The following LETM2 variants were observed in gnomAD, a reference collection of about 807,000 sequenced individuals.
The protein encoded by LETM2 is leucine zipper and EF-hand containing transmembrane protein 2.
LETM2 carries 58 observed loss-of-function variants against 59.6 expected under a neutral mutation model. The observed-to-expected ratio is 0.97, with a 90% CI of 0.79 to 1.21. The LOEUF (loss-of-function observed/expected upper bound fraction) is 1.21, where lower values mean the gene tolerates loss of function less well. Ranked by LOEUF, LETM2 falls within the 50% of genes most tolerant of loss-of-function variation. LETM2 has a pLI of 0.00. For synonymous variants in LETM2, 199 were observed against 214.1 expected, an observed-to-expected ratio of 0.93 and a Z score of 0.62; for missense variants, 572 against 575.7, an observed-to-expected ratio of 0.99 and a Z score of 0.07.
chr8:38,401,005 C>A lies in LETM2; in HGVS notation c.936C>A (p.Leu312=). The A allele has an allele frequency of 6.2e-7, 1 of 1,614,076 alleles. No individual in the cohort carries two copies. Among genetic ancestry groups the A allele is most frequent in the Non-Finnish European group, 8.5e-7 (1 of 1,180,000 alleles). Reference sequence around the variant, plus strand: ...AGACATTTGGAACCAACAACCTGCTCCGCTTTCAGCTCCTGATGAAACTGA... The same window carrying A: ...AGACATTTGGAACCAACAACCTGCTACGCTTTCAGCTCCTGATGAAACTGA... The part of the protein sequence containing the change: ...ELQTFGTNNL[L]RFQLLMKLKS... The change falls in exon 6 of 11, where the codon CTC becomes CTA. Residue 312 remains leucine (L), a synonymous_variant. Transcript: ENST00000379957.
At chr8:38,388,052 C>A in intron 2 of LETM2, 22 bp downstream of exon 2, 2 of 1,459,316 alleles carry the variant, frequency 1.4e-6, no homozygotes, top group Non-Finnish European at 1.8e-6. Flanking sequence ...AGTTACCCCC[C>A]AATATGAACG....
chr8:38,392,286 A>G (rs1358382557), intron 2 of LETM2, among the ~76,000 whole-genome samples: 1 of 152,072 alleles, frequency 6.6e-6, no homozygotes, highest in African/African-American at 2.4e-5. Flanking sequence ...TTAGCTGGGC[A>G]TGGTGGCCTG....
chr8:38,388,094 T>C, intron 2 of LETM2, 64 bp downstream of exon 2: 1 of 1,171,734 alleles, frequency 8.5e-7, no homozygotes, highest in Non-Finnish European at 1.2e-6. Context: ...TTTTTTTTTT[T>C]TTCTGAGATG....
At chr8:38,393,931 G>A (rs1812490959) in intron 3 of LETM2, 167 bp from the exon 4 acceptor site, 2 of 481,730 alleles carry the variant, frequency 4.2e-6, no homozygotes, top group Non-Finnish European at 7.0e-6. Context: ...GAGGTGGAAG[G>A]ATTGCGTGAG....
intron 2 of LETM2, 50 bp downstream of exon 2, chr8:38,388,080 C>CTTTTTTTT (rs35044708): frequency 1.1e-6 from 1 of 889,790 alleles, no homozygotes; most frequent in African/African-American, 1.9e-5. Flanking sequence ...TCTTCTTCTT[C>CTTTTTTTT]TTTTTTTTTT....
rs1276500236 is a variant in LETM2, at chr8:38,392,542, A to G, written c.48A>G (p.Arg16=). ...CAGAGGATGTTGCTTTTTATTCCAG[A>G]TTCCCTAGCCATTTTGTCCATCCTA... ...YNSVLAIART[R]FPSHFVHPTC... Residue 16 remains arginine, a splice_region_variant and synonymous_variant, in exon 3 of 11, where the codon AGA becomes AGG. Transcript: ENST00000379957. The G allele has an allele frequency of 1.9e-6, 3 of 1,597,506 alleles. No homozygotes were observed. The highest frequency in any genetic ancestry group is 2.6e-6 in the Non-Finnish European group (3 of 1,170,740).
In LETM2 at chr8:38,400,376, T is replaced by C. The variant is rs1422179828; in HGVS notation, c.750T>C (p.Asp250=). Residue 250 remains aspartate (D), a synonymous_variant, in exon 5 of 11, where the codon GAT becomes GAC. Coordinates refer to ENST00000379957, the MANE Select transcript of LETM2 (RefSeq NM_001286819.2). ...GGAGGAACAGAGCCAAGATGGGCGA[T>C]GCCTCTACACAGCTCTCATCCTACG... The part of the protein sequence containing the change: ...MARRNRAKMG[D]ASTQLSSYVK... The C allele has an allele frequency of 6.2e-7, 1 of 1,613,340 alleles. No homozygotes were observed. The highest frequency in any genetic ancestry group is 1.1e-5 in the South Asian group (1 of 90,814).
In LETM2 at chr8:38,408,870, C is replaced by G. The variant is rs1213924017; in HGVS notation, c.*596C>G. 1.3e-5 allele frequency: 2 copies of G among 152,444 alleles called. No homozygotes were observed. The highest frequency in any genetic ancestry group is 2.4e-5 in the African/African-American group (1 of 41,468). The allele number at this position is 152,444 out of a possible 1,614,324, so 9.4% of individuals were successfully genotyped here. Reference sequence around the variant, plus strand: ...TTCCGACACCTCCATCTTGGGCCTGCAGAGGCTGCAGCAATCTGTGAGGCA... The same window carrying G: ...TTCCGACACCTCCATCTTGGGCCTGGAGAGGCTGCAGCAATCTGTGAGGCA... On this transcript the variant is annotated 3_prime_UTR_variant, in exon 11 of 11. Coordinates refer to ENST00000379957, the MANE Select transcript of LETM2 (RefSeq NM_001286819.2).
In LETM2 at chr8:38,407,579, T is replaced by C. The variant is rs534299287; in HGVS notation, c.1413+116T>C. On this transcript the variant is annotated intron_variant, in intron 10 of 10. Coordinates refer to ENST00000379957, the MANE Select transcript of LETM2 (RefSeq NM_001286819.2). ...GCAAAACACTGCACAATTCTTCCTG[T>C]TGTCCAAACAGGAAATTGTAGGCCA... The C allele has an allele frequency of 1.4e-5, 10 of 718,646 alleles. No individual in the cohort carries two copies. The African/African-American group carries it at 1.4e-4, about 10-fold the overall frequency. 44.5% of individuals were successfully genotyped at this position (718,646 alleles called of 1,614,324 possible).
intron 4 of LETM2, among the ~76,000 whole-genome samples, chr8:38,398,169 A>G (rs1226774461): frequency 4.6e-5 from 7 of 151,950 alleles, no homozygotes; most frequent in African/African-American, 1.4e-4. Context: ...ACTTGAAGAC[A>G]AATTCGGGAT....
upstream of LETM2, among the ~76,000 whole-genome samples, chr8:38,384,669 G>A (rs773807009): frequency 6.6e-6 from 1 of 152,114 alleles, no homozygotes; most frequent in Non-Finnish European, 1.5e-5. Flanking sequence ...TAGGGAAGAC[G>A]GACATTACTT....
chr8:38,397,939 G>A (rs1296173688), intron 4 of LETM2, among the ~76,000 whole-genome samples: 13 of 152,050 alleles, frequency 8.5e-5, no homozygotes, highest in African/African-American at 2.7e-4. Context: ...CAGGAGCTCA[G>A]TACGAGCCTG....
intron 7 of LETM2, 43 bp downstream of exon 7, chr8:38,402,687 T>C (rs1007981762): frequency 1.2e-6 from 2 of 1,601,188 alleles, no homozygotes; most frequent in Non-Finnish European, 1.7e-6. Context: ...CCTAGAACTC[T>C]CTCCTACAAT....
At chr8:38,406,794 C>T (rs1467450039) in intron 8 of LETM2, 152 bp from the exon 9 acceptor site, 1 of 547,668 alleles carries the variant, frequency 1.8e-6, no homozygotes, top group Admixed American at 3.2e-5. Context: ...GGGCATATTT[C>T]ATAGGTTACT....
intron 2 of LETM2, among the ~76,000 whole-genome samples, chr8:38,390,526 G>T (rs138925313): frequency 0.012 from 1,801 of 148,332 alleles, 27 homozygotes; most frequent in African/African-American, 0.042. Flanking sequence ...GGAGGCTGAG[G>T]CAGGAGAATC....
chr8:38,398,591 A>G (rs1164397434), intron 4 of LETM2, among the ~76,000 whole-genome samples: 1 of 152,170 alleles, frequency 6.6e-6, no homozygotes, highest in African/African-American at 2.4e-5. Flanking sequence ...TAAAAGTTCC[A>G]TGAGGGCAGG....
At chr8:38,404,251 TCTGC>T (rs1401102252) in intron 7 of LETM2, 138 bp from the exon 8 acceptor site, 1 of 615,940 alleles carries the variant, frequency 1.6e-6, no homozygotes, top group East Asian at 2.8e-5. Flanking sequence ...TTGTCCGTGT[TCTGC>T]CGTGACTCAT....
chr8:38,399,163 GT>G (rs1029292592), intron 4 of LETM2, among the ~76,000 whole-genome samples: 8 of 151,758 alleles, frequency 5.3e-5, no homozygotes, highest in Non-Finnish European at 8.8e-5. Flanking sequence ...GTAGATTCCT[GT>G]TCTTCTTTAC....
upstream of LETM2, among the ~76,000 whole-genome samples, chr8:38,384,146 C>G (rs1162311827): frequency 1.3e-5 from 2 of 151,364 alleles, no homozygotes; most frequent in African/African-American, 2.4e-5. Flanking sequence ...TTTCTATGAG[C>G]CTTTCTACCT....
Sources: allele counts gnomAD v4.1 joint callset (sites outside exome capture counted in the v4.1 genomes callset), GRCh38; gene constraint gnomAD v4.1.1; transcripts MANE v1.5; gene names NCBI Gene and HGNC (gene_info 2026-07-23, HGNC 2026-07-21).